PRELID2: variants seen among roughly 807,000 people sequenced by gnomAD.
The protein encoded by PRELID2 is PRELI domain-containing protein 2.
A neutral mutation model predicts 28.4 loss-of-function variants in PRELID2; 25 were observed. The ratio of observed to expected loss-of-function variants is 0.88; its 90% CI spans 0.64 to 1.23. PRELID2 has a LOEUF of 1.23. Ranked by LOEUF, PRELID2 falls within the 50% of genes most tolerant of loss-of-function variation. The pLI is 0.00. For synonymous variants in PRELID2, 76 were observed against 71.6 expected (o/e 1.06, Z -0.31); for missense variants, 201 against 214.4 (o/e 0.94, Z 0.39).
chr5:145,657,572 C>G (rs190943650), intron 1 of PRELID2, among the ~76,000 whole-genome samples: 32 of 152,260 alleles, frequency 2.1e-4, no homozygotes, highest in African/African-American at 7.2e-4. Context: ...GTGGTCCTAG[C>G]TACTCGGAAG....
At chr5:145,570,798 T>G (rs1352188818) in intron 1 of PRELID2, among the ~76,000 whole-genome samples, 1 of 152,170 alleles carries the variant, frequency 6.6e-6, no homozygotes, top group Non-Finnish European at 1.5e-5. Context: ...CACACAATTC[T>G]TTTACAGAAT....
At chr5:145,826,002 G>A (rs1463769607) in intron 1 of PRELID2, 1 of 984,640 alleles carries the variant, frequency 1.0e-6, no homozygotes, top group Non-Finnish European at 1.2e-6. Context: ...ACTTACCTGG[G>A]AAGACAGGAG....
the PRELID2 span, chr5:145,337,856 T>C: frequency 6.6e-6 from 1 of 151,204 alleles, no homozygotes; most frequent in Non-Finnish European, 1.5e-5. Flanking sequence ...TCCCAACACA[T>C]GGATGTGTTC....
At chr5:145,441,520 C>A in the PRELID2 span, among the ~76,000 whole-genome samples, 3 of 152,076 alleles carry the variant, frequency 2.0e-5, no homozygotes, top group African/African-American at 7.2e-5. Flanking sequence ...CTTATCATCA[C>A]CATTGTCATC....
At chr5:145,374,637 C>A in the PRELID2 span, among the ~76,000 whole-genome samples, 1 of 152,058 alleles carries the variant, frequency 6.6e-6, no homozygotes, top group East Asian at 1.9e-4. Flanking sequence ...CAGCTTTGGT[C>A]TTTTTATGAA....
At chr5:145,251,080 C>A in the PRELID2 span, among the ~76,000 whole-genome samples, 4 of 152,176 alleles carry the variant, frequency 2.6e-5, no homozygotes, top group South Asian at 4.2e-4. Context: ...TGCTAGATAA[C>A]TTCCCCTAGT....
the PRELID2 span, among the ~76,000 whole-genome samples, chr5:145,352,624 C>A: frequency 6.6e-6 from 1 of 152,194 alleles, no homozygotes; most frequent in African/African-American, 2.4e-5. Context: ...CATTTGGCCT[C>A]TCTTTACTTA....
chr5:145,713,690 C>CTA (rs1219424011), intron 1 of PRELID2, among the ~76,000 whole-genome samples: 8 of 112,788 alleles, frequency 7.1e-5, no homozygotes, highest in East Asian at 2.3e-4. Context: ...TATACACACA[C>CTA]TATATATATA....
chr5:145,574,116 C>G (rs935686908), intron 1 of PRELID2, among the ~76,000 whole-genome samples: 1 of 152,084 alleles, frequency 6.6e-6, no homozygotes, highest in Non-Finnish European at 1.5e-5. Flanking sequence ...AACAGTGGAA[C>G]AGGGAGGCAG....
chr5:145,530,790 G>T (rs1247430386), intron 1 of PRELID2, among the ~76,000 whole-genome samples: 1 of 151,998 alleles, frequency 6.6e-6, no homozygotes, highest in African/African-American at 2.4e-5. Flanking sequence ...AGTCGTGGGT[G>T]GGGGCAGGAG....
intron 1 of PRELID2, among the ~76,000 whole-genome samples, chr5:145,693,911 G>T (rs1240178129): frequency 6.6e-6 from 1 of 152,126 alleles, no homozygotes; most frequent in African/African-American, 2.4e-5. Context: ...TGATAGGGAG[G>T]GAGCAAATCA....
chr5:145,308,283 G>A, the PRELID2 span, among the ~76,000 whole-genome samples: 3 of 152,144 alleles, frequency 2.0e-5, no homozygotes, highest in Non-Finnish European at 4.4e-5. Flanking sequence ...GCTAACAAAC[G>A]TATTTCTAGG....
At chr5:145,358,429 C>T in the PRELID2 span, among the ~76,000 whole-genome samples, 41 of 152,060 alleles carry the variant, frequency 2.7e-4, no homozygotes, top group African/African-American at 9.2e-4. Flanking sequence ...GTCACCCGCC[C>T]TTCCATCCAG....
the PRELID2 span, among the ~76,000 whole-genome samples, chr5:145,242,144 A>G: frequency 4.6e-5 from 7 of 152,028 alleles, no homozygotes; most frequent in Admixed American, 4.6e-4. Context: ...GATACCAAAA[A>G]TGATTTTATA....
intron 1 of PRELID2, among the ~76,000 whole-genome samples, chr5:145,562,469 A>G (rs139043129): frequency 6.6e-6 from 1 of 152,184 alleles, no homozygotes; most frequent in Admixed American, 6.5e-5. Flanking sequence ...GTTCATTTTC[A>G]TGATTCATAA....
chr5:145,340,146 A>T, the PRELID2 span, among the ~76,000 whole-genome samples: 1 of 152,122 alleles, frequency 6.6e-6, no homozygotes, highest in Non-Finnish European at 1.5e-5. Flanking sequence ...CCATCCCCCA[A>T]ATACTCGAGC....
At chr5:145,492,380 T>C (rs1752277454) in intron 1 of PRELID2, among the ~76,000 whole-genome samples, 1 of 96,066 alleles carries the variant, frequency 1.0e-5, no homozygotes, top group Non-Finnish European at 2.6e-5. Flanking sequence ...AGTCATTTTG[T>C]TTTCTTGCTA....
At chr5:145,738,741 A>G (rs528901547) in intron 1 of PRELID2, among the ~76,000 whole-genome samples, 67 of 152,290 alleles carry the variant, frequency 4.4e-4, no homozygotes, top group African/African-American at 1.6e-3. Flanking sequence ...AGAGAGAAGA[A>G]AAAGGGTGAG....
chr5:145,472,073 T>C (rs1028703938), exon 3 of PRELID2: 4 of 152,338 alleles, frequency 2.6e-5, no homozygotes, highest in Non-Finnish European at 5.9e-5. Context: ...CCTGTGACTA[T>C]GCCAGAGGGT....
Sources: gnomAD v4.1 joint callset for allele counts (sites outside exome capture counted in the v4.1 genomes callset) on GRCh38, gnomAD v4.1.1 for gene constraint, MANE v1.5 for transcripts, NCBI Gene and HGNC (gene_info 2026-07-23, HGNC 2026-07-21) for gene names.